The following RASAL2 variants were observed in gnomAD, a reference collection of about 807,000 sequenced individuals.
RASAL2 encodes the protein RAS protein activator like 2.
A neutral mutation model predicts 128.9 loss-of-function variants in RASAL2; 58 were observed. The observed-to-expected ratio is 0.45, with a 90% CI of 0.36 to 0.56. The LOEUF (loss-of-function observed/expected upper bound fraction) is 0.56. Ranked by LOEUF, RASAL2 falls within the 20% of genes least tolerant of loss-of-function variation. The pLI, the probability that RASAL2 is intolerant of heterozygous loss-of-function variation, is 0.00. For missense variants in RASAL2, 1,360 were observed against 1,601.6 expected, an observed-to-expected ratio of 0.85 and a Z score of 2.57; for synonymous variants, 561 against 580.8, an observed-to-expected ratio of 0.97 and a Z score of 0.49.
At chr1:178,140,605 A>C (rs899627111) in intron 1 of RASAL2, among the ~76,000 whole-genome samples, 7 of 152,122 alleles carry the variant, frequency 4.6e-5, no homozygotes, top group African/African-American at 1.7e-4. Context: ...TTCGTTTAGC[A>C]ATATGCAGTT....
At chr1:178,400,095 C>T (rs1235573255) in intron 4 of RASAL2, among the ~76,000 whole-genome samples, 2 of 152,210 alleles carry the variant, frequency 1.3e-5, no homozygotes, top group Non-Finnish European at 1.5e-5. Flanking sequence ...ACTTCAAAAA[C>T]TGTCAGTCGC....
At chr1:178,119,442 C>T (rs1659634522) in intron 1 of RASAL2, among the ~76,000 whole-genome samples, 1 of 152,166 alleles carries the variant, frequency 6.6e-6, no homozygotes, top group East Asian at 1.9e-4. Context: ...TTGTTAAGTT[C>T]AGGTGACATT....
At chr1:178,266,996 C>G (rs1164926730) in intron 1 of RASAL2, among the ~76,000 whole-genome samples, 1 of 152,104 alleles carries the variant, frequency 6.6e-6, no homozygotes, top group Admixed American at 6.5e-5. Context: ...GTTTCCAGCC[C>G]AGCTCTAAGA....
rs187700985 is a variant in RASAL2 at position 178,168,582 on chromosome 1, G to T, written c.202+73888G>T. On this transcript the variant is annotated intron_variant, in intron 1 of 17. Transcript: ENST00000367649. ...TCTCATTTTAAAATTTGGAATTGTG[G>T]TATGTACCATCTTTATGTGGCCTGC... is the stretch of plus-strand genomic sequence containing the variant. Among the ~76,000 whole-genome samples, 6 of 152,118 alleles carry T rather than the reference G, an allele frequency of 3.9e-5. No homozygotes were observed. The East Asian group carries it at 1.2e-3, about 29-fold the overall frequency.
At chr1:178,439,682 G>T in intron 6 of RASAL2, 107 bp downstream of exon 6, 2 of 969,154 alleles carry the variant, frequency 2.1e-6, no homozygotes, top group Non-Finnish European at 1.4e-6. Context: ...TTAATTAACT[G>T]GTTTTCAGTT....
intron 1 of RASAL2, among the ~76,000 whole-genome samples, chr1:178,099,862 T>C (rs58611442): frequency 0.12 from 17,771 of 151,932 alleles, 1,367 homozygotes; most frequent in African/African-American, 0.22. Context: ...CTTGGGAGGC[T>C]GAGGCAGGAG....
intron 1 of RASAL2, among the ~76,000 whole-genome samples, chr1:178,142,473 G>A (rs377713808): frequency 1.1e-4 from 16 of 152,298 alleles, no homozygotes; most frequent in African/African-American, 2.9e-4. Context: ...TCAAGCACAA[G>A]GTCATTGGTT....
At chr1:178,439,677 T>C in intron 6 of RASAL2, 102 bp downstream of exon 6, 1 of 1,032,896 alleles carries the variant, frequency 9.7e-7, no homozygotes, top group Non-Finnish European at 1.3e-6. Flanking sequence ...ATGATTTAAT[T>C]AACTGGTTTT....
At chr1:178,115,568 G>A (rs1271357925) in intron 1 of RASAL2, among the ~76,000 whole-genome samples, 1 of 152,200 alleles carries the variant, frequency 6.6e-6, no homozygotes, top group Non-Finnish European at 1.5e-5. Flanking sequence ...TAGCCAGCAT[G>A]GCAGCTTTGA....
intron 1 of RASAL2, among the ~76,000 whole-genome samples, chr1:178,146,247 T>G (rs928174874): frequency 2.6e-5 from 4 of 152,238 alleles, no homozygotes; most frequent in African/African-American, 9.6e-5. Context: ...GATTATACTT[T>G]GATTTTTCAC....
At chr1:178,239,740 C>T (rs1017400056) in intron 1 of RASAL2, among the ~76,000 whole-genome samples, 3 of 151,904 alleles carry the variant, frequency 2.0e-5, no homozygotes, top group African/African-American at 7.2e-5. Flanking sequence ...GTAAGGAATA[C>T]GTTTAAGATT....
At chr1:178,180,111 A>G (rs1361362995) in intron 1 of RASAL2, among the ~76,000 whole-genome samples, 1 of 152,116 alleles carries the variant, frequency 6.6e-6, no homozygotes, top group East Asian at 1.9e-4. Flanking sequence ...CGTTGTATGT[A>G]GCTTTGAGAT....
At chr1:178,404,446 T>A (rs957792622) in intron 4 of RASAL2, among the ~76,000 whole-genome samples, 2 of 150,782 alleles carry the variant, frequency 1.3e-5, no homozygotes, top group Non-Finnish European at 3.0e-5. Context: ...AGTGGTGCCA[T>A]CTCTGCTCAC....
chr1:178,401,220 GA>G (rs1673606457), intron 4 of RASAL2, among the ~76,000 whole-genome samples: 1 of 152,150 alleles, frequency 6.6e-6, no homozygotes, highest in Non-Finnish European at 1.5e-5. Flanking sequence ...CAAAGACATT[GA>G]CCTCTTATGC....
intron 3 of RASAL2, among the ~76,000 whole-genome samples, chr1:178,340,478 T>G (rs1669815751): frequency 6.6e-6 from 1 of 152,200 alleles, no homozygotes; most frequent in South Asian, 2.1e-4. Context: ...GAAATATGAC[T>G]GATTTTAAAA....
intron 13 of RASAL2, among the ~76,000 whole-genome samples, chr1:178,457,132 A>T (rs1193656399): frequency 2.0e-5 from 3 of 152,240 alleles, no homozygotes; most frequent in Admixed American, 6.5e-5. Flanking sequence ...GCATATTTTT[A>T]AAATTTCTGT....
intron 1 of RASAL2, among the ~76,000 whole-genome samples, chr1:178,101,135 A>G (rs1658881623): frequency 1.3e-5 from 2 of 152,218 alleles, no homozygotes; most frequent in South Asian, 4.1e-4. Flanking sequence ...GTGGTTCACA[A>G]GTAGAAGGGA....
chr1:178,160,212 A>C (rs1661231838), intron 1 of RASAL2, among the ~76,000 whole-genome samples: 1 of 152,208 alleles, frequency 6.6e-6, no homozygotes. Flanking sequence ...ATCATTACTT[A>C]ATAAAAACAA....
At chr1:178,308,572 A>T (rs1668103047) in intron 3 of RASAL2, among the ~76,000 whole-genome samples, 1 of 143,228 alleles carries the variant, frequency 7.0e-6, no homozygotes. Flanking sequence ...GCAGGGTCTC[A>T]CTCTGTTGCC....
Sources: allele counts gnomAD v4.1 joint callset (sites outside exome capture counted in the v4.1 genomes callset), GRCh38; gene constraint gnomAD v4.1.1; transcripts MANE v1.5; gene names NCBI Gene and HGNC (gene_info 2026-07-23, HGNC 2026-07-21).